The following PCDHGB4 variants were observed in gnomAD, a reference collection of about 807,000 sequenced individuals.
PCDHGB4 encodes the protein protocadherin gamma-B4.
In PCDHGB4, 38 loss-of-function variants were observed where a neutral mutation model predicts 60.5. The observed-to-expected ratio is 0.63, with a 90% CI of 0.48 to 0.82. The LOEUF (loss-of-function observed/expected upper bound fraction) is 0.82. Ranked by LOEUF, PCDHGB4 falls within the 40% of genes least tolerant of loss-of-function variation. The pLI, the probability that PCDHGB4 is intolerant of heterozygous loss-of-function variation, is 0.00. For missense variants in PCDHGB4, 1,109 were observed against 1,209.6 expected (o/e 0.92, Z 1.23); for synonymous variants, 456 against 509.7 (o/e 0.89, Z 1.42).
chr5:141,441,671 C>T (rs1027440120), intron 1 of PCDHGB4: 1 of 287,648 alleles, frequency 3.5e-6, no homozygotes, highest in African/African-American at 2.3e-5. Flanking sequence ...GCGCACAGTG[C>T]GCCTTCGACC....
intron 1 of PCDHGB4, chr5:141,393,869 G>A: frequency 1.2e-6 from 2 of 1,613,982 alleles, no homozygotes; most frequent in Non-Finnish European, 1.7e-6. Context: ...TTACGTCTTT[G>A]TTTAGCCCAG....
In PCDHGB4 at chr5:141,431,615, G is replaced by C. The variant is rs1231591874; in HGVS notation, c.2397+41334G>C. The C allele has an allele frequency of 1.2e-6, 2 of 1,614,118 alleles. No individual in the cohort carries two copies. Among genetic ancestry groups the C allele is most frequent in the Non-Finnish European group, 8.5e-7 (1 of 1,180,050 alleles). ...GAGGTATTCCTTCCGGTATGTGGACGACAAGGCGGCCCAAGTTTTCAAACT... is the reference window on the plus strand; with the variant it reads ...GAGGTATTCCTTCCGGTATGTGGACCACAAGGCGGCCCAAGTTTTCAAACT... On this transcript the variant is annotated intron_variant, in intron 1 of 3. Coordinates refer to ENST00000519479, the MANE Select transcript of PCDHGB4 (RefSeq NM_003736.4). This position sits in a 1 kb window ranked among gnomAD's most constrained non-coding sequence, Gnocchi z 4.8.
In PCDHGB4 at chr5:141,393,675, C is replaced by T. The variant is rs755191809; in HGVS notation, c.2397+3394C>T. The stretch of plus-strand genomic sequence containing the variant: ...CAAATTCCGGAAAATTAATGAAAAA[C>T]AAACTCCGTTATTCCAGCTTAATGA... On this transcript the variant is annotated intron_variant, in intron 1 of 3. Transcript: ENST00000519479. 4 of 1,613,756 alleles carry T rather than the reference C, an allele frequency of 2.5e-6. No individual in the cohort carries two copies. The South Asian group carries it at 3.3e-5, about 13-fold the overall frequency.
At chr5:141,420,088 C>T in intron 1 of PCDHGB4, 5 of 1,614,002 alleles carry the variant, frequency 3.1e-6, no homozygotes, top group Non-Finnish European at 4.2e-6. Context: ...CCCCCAACTA[C>T]AGTGAGGGAA....
intron 3 of PCDHGB4, among the ~76,000 whole-genome samples, chr5:141,506,012 T>C (rs2099850012): frequency 6.6e-6 from 1 of 152,208 alleles, no homozygotes; most frequent in Non-Finnish European, 1.5e-5. Context: ...CCTCTTTTGC[T>C]GCCCCTAACT....
chr5:141,465,997 C>T (rs1344380021), intron 1 of PCDHGB4, among the ~76,000 whole-genome samples: 1 of 151,918 alleles, frequency 6.6e-6, no homozygotes, highest in Non-Finnish European at 1.5e-5. Context: ...TGGCAGGCAC[C>T]TGTAGTCCCA....
At chr5:141,423,192 C>T in intron 1 of PCDHGB4, 2 of 1,613,622 alleles carry the variant, frequency 1.2e-6, no homozygotes, top group African/African-American at 2.7e-5. Context: ...AGCCCCCTCT[C>T]TCGGCCACCG....
At chr5:141,421,184 C>T (rs2096551183) in intron 1 of PCDHGB4, 4 of 1,457,822 alleles carry the variant, frequency 2.7e-6, no homozygotes, top group Non-Finnish European at 3.7e-6. Context: ...CGATTCACAA[C>T]CAACCAGCTC....
Position 141,389,269 on chromosome 5 carries a change from A to G in PCDHGB4, c.1385A>G (p.Asn462Ser). The G allele has an allele frequency of 1.2e-6, 2 of 1,613,976 alleles. No individual in the cohort carries two copies. The highest frequency in any genetic ancestry group is 1.7e-6 in the Non-Finnish European group (2 of 1,179,876). ...QSSYIVHVAE[N>S]NPPGASISQV... ...TCCTATATAGTCCACGTGGCCGAGA[A>G]CAACCCGCCTGGAGCCTCTATTTCA... Residue 462 changes from asparagine to serine, a missense_variant, in exon 1 of 4, where the codon AAC becomes AGC. Coordinates refer to ENST00000519479, the MANE Select transcript of PCDHGB4 (RefSeq NM_003736.4).
At chr5:141,507,121 G>A (rs940889204) in intron 3 of PCDHGB4, 1 of 152,126 alleles carries the variant, frequency 6.6e-6, no homozygotes, top group African/African-American at 2.4e-5. Flanking sequence ...GGCTGCCTTT[G>A]GATCCAGCCT....
At chr5:141,423,147 G>A (rs545052756) in intron 1 of PCDHGB4, 4 of 1,613,578 alleles carry the variant, frequency 2.5e-6, no homozygotes, top group African/African-American at 2.7e-5. Context: ...ACGCGCTCAA[G>A]CAGAGCCTCG....
At chr5:141,454,838 C>G (rs1472341694) in intron 1 of PCDHGB4, among the ~76,000 whole-genome samples, 1 of 100,816 alleles carries the variant, frequency 9.9e-6, no homozygotes, top group South Asian at 3.5e-4. Flanking sequence ...GACAGAGTCG[C>G]GCTCTGTCAC....
At chr5:141,462,596 A>G (rs1260411284) in intron 1 of PCDHGB4, among the ~76,000 whole-genome samples, 5 of 151,922 alleles carry the variant, frequency 3.3e-5, no homozygotes, top group African/African-American at 1.2e-4. Flanking sequence ...TTTCCATTTC[A>G]TATATTGTAT....
rs369141362 is a variant in PCDHGB4 at position 141,404,800 on chromosome 5, C to T, written c.2397+14519C>T. The T allele has an allele frequency of 1.8e-5, 29 of 1,613,852 alleles. No homozygotes were observed. The Admixed American group carries it at 3.3e-4, about 19-fold the overall frequency. On this transcript the variant is annotated intron_variant, in intron 1 of 3. Transcript: ENST00000519479. ...TATTCAAGGCCAGTGAGCCAGGGCT[C>T]TTCTCGGTGGGGCTGCACACAGGTG... is the stretch of plus-strand genomic sequence containing the variant.
chr5:141,472,856 C>T (rs1251907207), intron 1 of PCDHGB4, among the ~76,000 whole-genome samples: 5 of 150,296 alleles, frequency 3.3e-5, no homozygotes, highest in East Asian at 2.0e-4. Flanking sequence ...CATGGTGGCA[C>T]ATGCCTGTAT....
intron 1 of PCDHGB4, chr5:141,413,577 T>C (rs752007520): frequency 2.5e-6 from 4 of 1,613,836 alleles, no homozygotes; most frequent in Non-Finnish European, 3.4e-6. Context: ...ATGACAATGC[T>C]CCAAAATTCC....
intron 1 of PCDHGB4, among the ~76,000 whole-genome samples, chr5:141,483,208 G>A (rs1195144442): frequency 6.6e-6 from 1 of 152,196 alleles, no homozygotes; most frequent in East Asian, 1.9e-4. Context: ...ATTCCATATA[G>A]ATGACAGTCA....
Position 141,447,812 on chromosome 5 carries a change from G to A in PCDHGB4, c.2398-46995G>A, listed in dbSNP as rs557330895. 5.4e-4 allele frequency among the ~76,000 whole-genome samples: 82 copies of A among 152,254 alleles called. 1 individual carries two copies. The highest frequency in any genetic ancestry group is 1.3e-3 in the Admixed American group (20 of 15,294). On this transcript the variant is annotated intron_variant, in intron 1 of 3. Coordinates refer to ENST00000519479, the MANE Select transcript of PCDHGB4 (RefSeq NM_003736.4). ...TTTAAGAAAATAAAATTGGCTGGGC[G>A]TGGTGGCTCACGCCTGTAATCCCAG...
rs562410567 is a variant in PCDHGB4 at position 141,413,096 on chromosome 5, G to A, written c.2397+22815G>A. On this transcript the variant is annotated intron_variant, in intron 1 of 3. Transcript: ENST00000519479. ...GCCCAGGCTACAGAGACACCCTGAA[G>A]CCACAGAAAGACAAAGGAACCGGTT... 25 of 1,445,574 alleles carry A rather than the reference G, an allele frequency of 1.7e-5. No homozygotes were observed. The African/African-American group carries it at 3.3e-4, about 19-fold the overall frequency. The allele number at this position is 1,445,574 out of a possible 1,614,324, so 89.5% of individuals were successfully genotyped here.
Sources: allele counts gnomAD v4.1 joint callset (sites outside exome capture counted in the v4.1 genomes callset), GRCh38; gene constraint gnomAD v4.1.1; non-coding constraint Gnocchi (gnomAD v3.1); transcripts MANE v1.5; gene names NCBI Gene and HGNC (gene_info 2026-07-23, HGNC 2026-07-21).